The following ATF7IP2 variants were observed in gnomAD, a reference collection of about 807,000 sequenced individuals.
ATF7IP2 encodes activating transcription factor 7-interacting protein 2.
ATF7IP2 carries 42 observed loss-of-function variants against 64.2 expected under a neutral mutation model. That is an observed-to-expected ratio of 0.65 (90% CI 0.51 to 0.85). The LOEUF is 0.85. Among genes scored for constraint, ATF7IP2 ranks in the 40% least tolerant of loss-of-function variants. ATF7IP2 has a pLI of 0.00. For missense variants in ATF7IP2, 933 were observed against 784.2 expected, an observed-to-expected ratio of 1.19 and a Z score of -2.27; for synonymous variants, 308 against 272.8, an observed-to-expected ratio of 1.13 and a Z score of -1.27.
intron 1 of ATF7IP2, among the ~76,000 whole-genome samples, chr16:10,388,271 A>G (rs1286579722): frequency 6.6e-6 from 1 of 152,152 alleles, no homozygotes; most frequent in Non-Finnish European, 1.5e-5. Context: ...ATTTTTACCA[A>G]CGATGGGACA....
intron 8 of ATF7IP2, among the ~76,000 whole-genome samples, chr16:10,443,617 A>G (rs1404955673): frequency 6.6e-6 from 1 of 152,206 alleles, no homozygotes; most frequent in South Asian, 2.1e-4. Flanking sequence ...TACTTTTACA[A>G]TAGCTACTTT....
chr16:10,420,164 C>G (rs527657664), intron 3 of ATF7IP2, among the ~76,000 whole-genome samples: 1 of 152,268 alleles, frequency 6.6e-6, no homozygotes, highest in African/African-American at 2.4e-5. Context: ...GTAGCTAGAG[C>G]TTGGTTAGTA....
At chr16:10,446,783 G>A (rs1017147613) in intron 8 of ATF7IP2, 3 of 152,072 alleles carry the variant, frequency 2.0e-5, no homozygotes, top group African/African-American at 7.3e-5. Context: ...TACCTTATTT[G>A]GGGTGTTTCC....
At chr16:10,388,387 T>C (rs970476424) in intron 1 of ATF7IP2, among the ~76,000 whole-genome samples, 6 of 152,168 alleles carry the variant, frequency 3.9e-5, no homozygotes, top group Non-Finnish European at 7.3e-5. Context: ...ATGAAATGTT[T>C]AGAGAGGTGT....
chr16:10,467,974 A>G lies in ATF7IP2; in HGVS notation c.1353-4136A>G, dbSNP rs1396082817. 3.4e-5 allele frequency among the ~76,000 whole-genome samples: 5 copies of G among 147,218 alleles called. No individual in the cohort carries two copies. The East Asian group carries it at 6.0e-4, about 18-fold the overall frequency. On this transcript the variant is annotated intron_variant, in intron 9 of 13. Transcript: ENST00000562102. Reference sequence around the variant, plus strand: ...GGCTTACCACAACCTCTGCCTTCCGAGTTTAAGCGTTTCTCCTGCCTCAGC... The same window carrying G: ...GGCTTACCACAACCTCTGCCTTCCGGGTTTAAGCGTTTCTCCTGCCTCAGC...
intron 12 of ATF7IP2, among the ~76,000 whole-genome samples, chr16:10,474,938 T>G (rs1381641523): frequency 1.3e-5 from 2 of 152,246 alleles, no homozygotes; most frequent in South Asian, 2.1e-4. Context: ...GAAAGCAACT[T>G]TGGGAGGTCA....
At chr16:10,390,412 A>C (rs747514222) in intron 1 of ATF7IP2, among the ~76,000 whole-genome samples, 1 of 152,372 alleles carries the variant, frequency 6.6e-6, no homozygotes, top group Middle Eastern at 3.4e-3. Flanking sequence ...ATTATAAGGT[A>C]GAGTTTTTCA....
intron 1 of ATF7IP2, among the ~76,000 whole-genome samples, chr16:10,397,307 G>C (rs1039998877): frequency 1.3e-5 from 2 of 151,928 alleles, no homozygotes; most frequent in African/African-American, 2.4e-5. Flanking sequence ...TTGGCTTTTT[G>C]GACTCTTCTG....
chr16:10,437,142 C>G (rs1001479327), intron 6 of ATF7IP2, among the ~76,000 whole-genome samples: 1 of 151,922 alleles, frequency 6.6e-6, no homozygotes, highest in African/African-American at 2.4e-5. Flanking sequence ...CTGTCTCAGC[C>G]TCCAGAGTAG....
intron 1 of ATF7IP2, among the ~76,000 whole-genome samples, chr16:10,409,039 CA>C (rs576941674): frequency 1.5e-3 from 227 of 152,356 alleles, no homozygotes; most frequent in Non-Finnish European, 2.4e-3. Flanking sequence ...TTCACGATCA[CA>C]AGAGCACACT....
At chr16:10,438,358 C>T (rs1470209243) in intron 7 of ATF7IP2, 123 bp downstream of exon 7, 3 of 950,368 alleles carry the variant, frequency 3.2e-6, no homozygotes, top group African/African-American at 3.4e-5. Context: ...AATCCTACCA[C>T]CTCAGTCTCC....
intron 9 of ATF7IP2, among the ~76,000 whole-genome samples, chr16:10,467,648 AC>A (rs1028594646): frequency 5.1e-4 from 77 of 151,700 alleles, no homozygotes; most frequent in African/African-American, 1.9e-3. Context: ...GCTCACTGCA[AC>A]CTGTGCCTCA....
intron 3 of ATF7IP2, among the ~76,000 whole-genome samples, chr16:10,424,311 G>T (rs1358119998): frequency 6.6e-6 from 1 of 152,102 alleles, no homozygotes; most frequent in Non-Finnish European, 1.5e-5. Context: ...TCTGTTTATG[G>T]CTAGATTTGG....
chr16:10,469,841 G>T (rs2049723639), intron 9 of ATF7IP2, among the ~76,000 whole-genome samples: 1 of 150,656 alleles, frequency 6.6e-6, no homozygotes, highest in African/African-American at 2.4e-5. Flanking sequence ...GTGCAAACTA[G>T]AAGACATCTC....
intron 8 of ATF7IP2, among the ~76,000 whole-genome samples, chr16:10,456,675 C>G (rs1008929883): frequency 6.6e-6 from 1 of 152,186 alleles, no homozygotes; most frequent in Non-Finnish European, 1.5e-5. Flanking sequence ...GTCACTACCA[C>G]TGCAATGGAT....
chr16:10,452,986 G>C (rs1410173865), intron 8 of ATF7IP2, among the ~76,000 whole-genome samples: 1 of 152,184 alleles, frequency 6.6e-6, no homozygotes, highest in African/African-American at 2.4e-5. Context: ...CTGGCAGCGA[G>C]AATTTCAAGC....
chr16:10,408,762 A>T (rs1269735857), intron 1 of ATF7IP2, among the ~76,000 whole-genome samples: 1 of 152,190 alleles, frequency 6.6e-6, no homozygotes, highest in Admixed American at 6.5e-5. Flanking sequence ...TGTATAGGTT[A>T]TAAAGATTTT....
intron 3 of ATF7IP2, among the ~76,000 whole-genome samples, chr16:10,425,785 C>T (rs577947541): frequency 1.3e-5 from 2 of 151,676 alleles, no homozygotes; most frequent in Admixed American, 6.6e-5. Flanking sequence ...CCCAGCTGTT[C>T]GTGAGGCTGA....
At chr16:10,478,854 A>C (rs1235395594) in intron 12 of ATF7IP2, among the ~76,000 whole-genome samples, 6 of 152,244 alleles carry the variant, frequency 3.9e-5, no homozygotes, top group Non-Finnish European at 7.3e-5. Context: ...ATGAACAGAC[A>C]CTTCTCAAAG....
Sources: gnomAD v4.1 joint callset for allele counts (sites outside exome capture counted in the v4.1 genomes callset) on GRCh38, gnomAD v4.1.1 for gene constraint, MANE v1.5 for transcripts, NCBI Gene and HGNC (gene_info 2026-07-23, HGNC 2026-07-21) for gene names.